The following HDLBP variants were observed in gnomAD, a reference collection of about 807,000 sequenced individuals.
HDLBP encodes high density lipoprotein binding protein, also known as vigilin.
In HDLBP, 30 loss-of-function variants were observed where a neutral mutation model predicts 137.3. The observed-to-expected ratio is 0.22, with a 90% confidence interval of 0.16 to 0.30. HDLBP has a LOEUF of 0.30. Among genes scored for constraint, HDLBP ranks in the 10% least tolerant of loss-of-function variants. HDLBP has a pLI of 1.00. For synonymous variants in HDLBP, 606 were observed against 596.0 expected (o/e 1.02, Z -0.24); for missense variants, 1,119 against 1,667.3 (o/e 0.67, Z 5.73).
chr2:241,308,076 C>A (rs2149715759), intron 1 of HDLBP, among the ~76,000 whole-genome samples: 1 of 152,318 alleles, frequency 6.6e-6, no homozygotes, highest in East Asian at 1.9e-4. Context: ...TTACAGAATA[C>A]CTGTCCTCTT....
chr2:241,298,664 G>A lies in HDLBP; in HGVS notation c.-103+16906C>T, dbSNP rs1559553401. On this transcript the variant is annotated intron_variant, in intron 1 of 27. Transcript: ENST00000310931. ...TTCACAGTGGAGAAGCTGGAAGGCA[G>A]CACCTGAATCAAGCAAGTAAAGTGC... Among the ~76,000 whole-genome samples, 3 of 152,308 alleles carry A rather than the reference G, an allele frequency of 2.0e-5. No homozygotes were observed. The South Asian group carries it at 6.2e-4, about 32-fold the overall frequency.
At position 241,296,793 on chromosome 2, in the gene HDLBP, C is replaced by CA. The variant is rs199739216; in HGVS notation, c.-103+18776dup. Among the ~76,000 whole-genome samples, 1,083 of 152,270 alleles carry CA rather than the reference C, an allele frequency of 7.1e-3. 32 individuals carry two copies. In the South Asian group the frequency reaches 0.074, roughly 10 times the overall value. On this transcript the variant is annotated intron_variant, in intron 1 of 27. Transcript: ENST00000310931. ...TAGAAGGCAATTTAGAAACACATAACAAAAAATAGAAATATACAATCTAAG... is the reference window on the plus strand; with the variant it reads ...TAGAAGGCAATTTAGAAACACATAACAAAAAAATAGAAATATACAATCTAAG...
rs1423273069 is a variant in HDLBP at position 241,230,978 on chromosome 2, G to A, written c.3289-34C>T. On this transcript the variant is annotated intron_variant, in intron 24 of 27. Transcript: ENST00000310931. The surrounding 1 kb of genome is among the most constrained non-coding windows in gnomAD (Gnocchi z 5.0). ...GGAGAATGTAGTCAGAAAAGGGGAT[G>A]CCTTACTGGGATTCCCGTCAGGGGC... 1.3e-6 allele frequency: 2 copies of A among 1,574,714 alleles called. No homozygotes were observed. The highest frequency in any genetic ancestry group is 2.2e-5 in the South Asian group (2 of 90,072).
At chr2:241,307,930 T>C (rs2075633954) in intron 1 of HDLBP, among the ~76,000 whole-genome samples, 1 of 151,996 alleles carries the variant, frequency 6.6e-6, no homozygotes, top group Admixed American at 6.6e-5. Flanking sequence ...CTCTGCTCAC[T>C]TGGGCCTCTA....
At position 241,249,793 on chromosome 2, in the gene HDLBP, G is replaced by A. The variant is rs754832782; in HGVS notation, c.1512+48C>T. The A allele has an allele frequency of 2.6e-6, 4 of 1,540,930 alleles. No homozygotes were observed. The East Asian group carries it at 9.0e-5, about 35-fold the overall frequency. On this transcript the variant is annotated intron_variant, in intron 12 of 27. Transcript: ENST00000310931. ...CACGCTACTCCTTAGAGGGGGCCAA[G>A]AGACGCAAGGCCAGTGCCTTTCTAG...
At chr2:241,296,031 A>AT (rs139523542) in intron 1 of HDLBP, among the ~76,000 whole-genome samples, 14,464 of 149,180 alleles carry the variant, frequency 0.097, 2,405 homozygotes, top group African/African-American at 0.34. Context: ...CCAGTAGGAT[A>AT]TTTTTTTAAC....
chr2:241,269,698 G>A (rs917479350), intron 1 of HDLBP: 2 of 152,198 alleles, frequency 1.3e-5, no homozygotes, highest in Non-Finnish European at 2.9e-5. Context: ...TAGTTTGCAA[G>A]TTTTAAAGAT....
chr2:241,295,235 C>T (rs986497209), intron 1 of HDLBP, among the ~76,000 whole-genome samples: 39 of 152,046 alleles, frequency 2.6e-4, no homozygotes, highest in African/African-American at 9.2e-4. Flanking sequence ...GCTATATGAA[C>T]AATATTTCCC....
At chr2:241,248,392 C>G (rs769092466) in intron 12 of HDLBP, 44 bp from the exon 13 acceptor site, 3 of 1,459,346 alleles carry the variant, frequency 2.1e-6, no homozygotes, top group African/African-American at 1.4e-5. Context: ...ACAAGCACGG[C>G]GAGCAACTCC....
At chr2:241,253,519 G>A in intron 9 of HDLBP, 22 bp from the exon 10 acceptor site, 1 of 1,542,008 alleles carries the variant, frequency 6.5e-7, no homozygotes, top group Non-Finnish European at 9.0e-7. Flanking sequence ...AAACCAAAGA[G>A]ATAGCTAAAA....
chr2:241,275,177 T>TC (rs140153586), intron 1 of HDLBP, among the ~76,000 whole-genome samples: 2 of 148,622 alleles, frequency 1.3e-5, no homozygotes, highest in Non-Finnish European at 3.0e-5. Context: ...AGAAAGCAAT[T>TC]CCCCCCCACC....
chr2:241,247,945 C>T lies in HDLBP; in HGVS notation c.1731+58G>A, dbSNP rs747142730. 40 of 1,204,378 alleles carry T rather than the reference C, an allele frequency of 3.3e-5. 1 individual carries two copies. Among genetic ancestry groups the T allele is most frequent in the Middle Eastern group, 3.8e-4 (2 of 5,330 alleles). The allele number at this position is 1,204,378 out of a possible 1,614,324, so 74.6% of individuals were successfully genotyped here. ...GTGGGGGTCAGGACTTCTGACAGGA[C>T]GCATGCCCCACCCACCCCAGGTGCT... On this transcript the variant is annotated intron_variant, in intron 14 of 27. Transcript: ENST00000310931.
chr2:241,294,617 GCC>G (rs986357326), intron 1 of HDLBP, among the ~76,000 whole-genome samples: 2 of 152,042 alleles, frequency 1.3e-5, no homozygotes, highest in African/African-American at 4.8e-5. Context: ...CGTACACCAT[GCC>G]CAACTAATTT....
intron 9 of HDLBP, 95 bp downstream of exon 9, chr2:241,254,956 G>A (rs1349451985): frequency 1.1e-6 from 1 of 943,196 alleles, no homozygotes; most frequent in Non-Finnish European, 1.7e-6. Context: ...GTTTTCAAGG[G>A]CATCCACAGT....
rs1431442150 is a variant in HDLBP, at chr2:241,242,422, G to C, written c.2169+38C>G. The C allele has an allele frequency of 5.8e-6, 9 of 1,559,920 alleles. No individual in the cohort carries two copies. The Admixed American group carries it at 1.5e-4, about 26-fold the overall frequency. On this transcript the variant is annotated intron_variant, in intron 17 of 27. Coordinates refer to ENST00000310931, the MANE Select transcript of HDLBP (RefSeq NM_005336.6). ...GCGAGAACACTGTACTGAGGACCAGGCTTCCTGCCAAGAGTCACGCTCCCT... is the reference window on the plus strand; with the variant it reads ...GCGAGAACACTGTACTGAGGACCAGCCTTCCTGCCAAGAGTCACGCTCCCT...
chr2:241,246,610 C>T, intron 16 of HDLBP, 142 bp downstream of exon 16: 1 of 799,304 alleles, frequency 1.3e-6, no homozygotes, highest in Non-Finnish European at 2.0e-6. Flanking sequence ...ACCAACTCAT[C>T]AGTAGCCTGG....
chr2:241,278,935 G>GA (rs1336772237), intron 1 of HDLBP, among the ~76,000 whole-genome samples: 9 of 152,184 alleles, frequency 5.9e-5, no homozygotes, highest in Admixed American at 2.0e-4. Context: ...TGAGACACGA[G>GA]AATCGCTTGA....
At chr2:241,243,073 T>C (rs886518831) in intron 16 of HDLBP, among the ~76,000 whole-genome samples, 1 of 152,096 alleles carries the variant, frequency 6.6e-6, no homozygotes, top group African/African-American at 2.4e-5. Context: ...ACTTTTCCTA[T>C]TAAAACCAAA....
intron 11 of HDLBP, chr2:241,250,212 A>C (rs1041343914): frequency 2.7e-5 from 11 of 405,042 alleles, no homozygotes; most frequent in Non-Finnish European, 4.8e-5. Context: ...CCTGGACCAG[A>C]AGCTGGAAAT....
Sources: gnomAD v4.1 joint callset for allele counts (sites outside exome capture counted in the v4.1 genomes callset) on GRCh38, gnomAD v4.1.1 for gene constraint, Gnocchi (gnomAD v3.1) non-coding constraint, MANE v1.5 for transcripts, NCBI Gene and HGNC (gene_info 2026-07-23, HGNC 2026-07-21) for gene names.